SP140: variants seen among roughly 807,000 people sequenced by gnomAD.
SP140 encodes SP140 nuclear body protein, also known as nuclear body protein SP140.
SP140 carries 81 observed loss-of-function variants against 125.0 expected under a neutral mutation model. That is an observed-to-expected ratio of 0.65 (90% CI 0.54 to 0.78). The LOEUF (loss-of-function observed/expected upper bound fraction) is 0.78. Among genes scored for constraint, SP140 ranks in the 30% least tolerant of loss-of-function variants. The pLI, the probability that SP140 is intolerant of heterozygous loss-of-function variation, is 0.00. For synonymous variants in SP140, 312 were observed against 354.0 expected (o/e 0.88, Z 1.33); for missense variants, 858 against 1,037.0 (o/e 0.83, Z 2.37).
chr2:230,299,156 A>G (rs1352673984), intron 22 of SP140, among the ~76,000 whole-genome samples: 2 of 152,254 alleles, frequency 1.3e-5, no homozygotes, highest in Non-Finnish European at 2.9e-5. Context: ...CTTTTGCTCC[A>G]AGAACCACTG....
At chr2:230,195,293 A>T in the SP140 span, among the ~76,000 whole-genome samples, 1 of 152,164 alleles carries the variant, frequency 6.6e-6, no homozygotes, top group Non-Finnish European at 1.5e-5. Context: ...TTGAATAAAG[A>T]TGGATCAGGA....
intron 1 of SP140, chr2:230,208,208 G>A (rs972614608): frequency 2.1e-5 from 13 of 615,544 alleles, no homozygotes; most frequent in Admixed American, 8.6e-5. Context: ...GGGAGTAATA[G>A]GGGAAGAAGG....
chr2:230,209,007 G>A (rs1475268055), intron 1 of SP140, among the ~76,000 whole-genome samples: 2 of 152,182 alleles, frequency 1.3e-5, no homozygotes, highest in Non-Finnish European at 2.9e-5. Flanking sequence ...TCCAAATGAG[G>A]TTGAAGGACA....
intron 3 of SP140, among the ~76,000 whole-genome samples, chr2:230,215,983 A>C (rs1156694866): frequency 6.6e-6 from 1 of 152,298 alleles, no homozygotes; most frequent in East Asian, 1.9e-4. Flanking sequence ...GACTAAGACT[A>C]AGGGAAGATT....
At chr2:230,314,345 G>T (rs1225016115), downstream of SP140, among the ~76,000 whole-genome samples, 1 of 152,262 alleles carries the variant, frequency 6.6e-6, no homozygotes, top group African/African-American at 2.4e-5. Flanking sequence ...GCGGCAAAGT[G>T]AAGAGAGCGT....
intron 22 of SP140, among the ~76,000 whole-genome samples, chr2:230,298,742 TA>T (rs552620869): frequency 6.6e-6 from 1 of 152,166 alleles, no homozygotes; most frequent in South Asian, 2.1e-4. Flanking sequence ...TGAAGAGCTT[TA>T]AAAAAATATT....
At chr2:230,252,397 C>T (rs938285881) in intron 10 of SP140, among the ~76,000 whole-genome samples, 20 of 151,706 alleles carry the variant, frequency 1.3e-4, no homozygotes, top group Admixed American at 3.9e-4. Flanking sequence ...TAGAGTGGGG[C>T]AAGGACATAA....
At chr2:230,249,382 A>C (rs1333992580) in intron 9 of SP140, among the ~76,000 whole-genome samples, 1 of 152,166 alleles carries the variant, frequency 6.6e-6, no homozygotes, top group East Asian at 1.9e-4. Flanking sequence ...AAGGCTTGCA[A>C]CTGAGGAAAG....
chr2:230,279,859 G>A (rs2055266775), intron 15 of SP140, among the ~76,000 whole-genome samples: 1 of 146,300 alleles, frequency 6.8e-6, no homozygotes, highest in Non-Finnish European at 1.6e-5. Context: ...CTGGGCTCAA[G>A]TAATCCTCCT....
chr2:230,243,662 T>G lies in SP140; in HGVS notation c.491-69T>G, dbSNP rs2049013526. ...AGGTTTTCTTAGTTTTCTCATTATT[T>G]GTTTTCTTGTTTTGATGGCTTTTTG... On this transcript the variant is annotated intron_variant, in intron 4 of 26. Coordinates refer to ENST00000392045, the MANE Select transcript of SP140 (RefSeq NM_007237.5). 4.8e-6 allele frequency: 6 copies of G among 1,254,712 alleles called. No homozygotes were observed. The South Asian group carries it at 7.4e-5, about 16-fold the overall frequency. The allele number at this position is 1,254,712 out of a possible 1,614,324, so 77.7% of individuals were successfully genotyped here.
chr2:230,227,491 T>C lies in SP140; in HGVS notation c.59+1588T>C, dbSNP rs190384711. On this transcript the variant is annotated intron_variant, in intron 1 of 26. Transcript: ENST00000392045. The stretch of plus-strand genomic sequence containing the variant: ...CCTCTGCTCTTATTTTTGGAGGAAA[T>C]TGGGGAGGATGATGTCATTTCTTCC... Among the ~76,000 whole-genome samples, 943 of 152,286 alleles carry C rather than the reference T, an allele frequency of 6.2e-3. 23 individuals carry two copies. The highest frequency in any genetic ancestry group is 4.8e-3 in the Non-Finnish European group (324 of 68,018).
At position 230,249,102 on chromosome 2, in the gene SP140, A is replaced by G. The variant is rs537838194; in HGVS notation, c.976+134A>G. 4.5e-4 allele frequency: 294 copies of G among 657,076 alleles called. 1 individual carries two copies. Among genetic ancestry groups the G allele is most frequent in the Non-Finnish European group, 7.1e-4 (270 of 380,876 alleles). The allele number at this position is 657,076 out of a possible 1,614,324, so 40.7% of individuals were successfully genotyped here. On this transcript the variant is annotated intron_variant, in intron 9 of 26. Transcript: ENST00000392045. The stretch of plus-strand genomic sequence containing the variant: ...CATACATACAGATGGAATTATGTCA[A>G]TTTTCTGTTGTGCCTTTTTGAAAAC...
intron 15 of SP140, among the ~76,000 whole-genome samples, chr2:230,277,722 A>G (rs373649783): frequency 1.6e-4 from 24 of 152,334 alleles, no homozygotes; most frequent in African/African-American, 5.3e-4. Context: ...GTTTAAATCT[A>G]TAACACACAT....
intron 18 of SP140, among the ~76,000 whole-genome samples, chr2:230,288,509 C>CTTTCTTTA (rs1553600193): frequency 8.6e-6 from 1 of 116,018 alleles, no homozygotes; most frequent in Non-Finnish European, 1.9e-5. Context: ...TTCTTTCTTT[C>CTTTCTTTA]TTTCTTTCTT....
intron 3 of SP140, chr2:230,239,175 C>T: frequency 1.7e-6 from 1 of 593,534 alleles, no homozygotes; most frequent in Non-Finnish European, 2.4e-6. Flanking sequence ...TATGATACAT[C>T]CAAGTCAGAG....
intron 12 of SP140, among the ~76,000 whole-genome samples, chr2:230,265,793 G>GC (rs889134868): frequency 6.9e-6 from 1 of 145,504 alleles, no homozygotes; most frequent in South Asian, 2.3e-4. Flanking sequence ...AGTTTTACGG[G>GC]GGGGGGCGGT....
intron 15 of SP140, among the ~76,000 whole-genome samples, chr2:230,272,633 A>G (rs1238707037): frequency 2.0e-5 from 3 of 152,212 alleles, no homozygotes; most frequent in Non-Finnish European, 4.4e-5. Flanking sequence ...CTGTAAGTCC[A>G]TTAAACTCTT....
intron 12 of SP140, among the ~76,000 whole-genome samples, chr2:230,266,884 T>A (rs2053208202): frequency 2.6e-5 from 4 of 152,218 alleles, no homozygotes. Context: ...TCCCTGCTCT[T>A]AAAAGGCTCA....
chr2:230,285,576 A>G (rs913796258), intron 16 of SP140, among the ~76,000 whole-genome samples, 176 bp from the exon 17 acceptor site: 1 of 152,208 alleles, frequency 6.6e-6, no homozygotes, highest in African/African-American at 2.4e-5. Context: ...TTCAATGTGC[A>G]ATTAAATCCT....
Sources: gnomAD v4.1 joint callset for allele counts (sites outside exome capture counted in the v4.1 genomes callset) on GRCh38, gnomAD v4.1.1 for gene constraint, MANE v1.5 for transcripts, NCBI Gene and HGNC (gene_info 2026-07-23, HGNC 2026-07-21) for gene names.